Variants in CREB5 observed in about 807,000 individuals in gnomAD.
CREB5 encodes the protein cAMP responsive element binding protein 5.
In CREB5, 19 loss-of-function variants were observed where a neutral mutation model predicts 57.1. The observed-to-expected ratio is 0.33, with a 90% confidence interval of 0.23 to 0.49. CREB5 has a LOEUF of 0.49. CREB5 is among the 20% of genes least tolerant of loss of function. The pLI, the probability that CREB5 is intolerant of heterozygous loss-of-function variation, is 0.99. For synonymous variants in CREB5, 238 were observed against 238.3 expected, an observed-to-expected ratio of 1.00 and a Z score of 0.01; for missense variants, 579 against 671.6, an observed-to-expected ratio of 0.86 and a Z score of 1.52.
chr7:28,402,523 A>C (rs1376106840), intron 1 of CREB5, among the ~76,000 whole-genome samples: 1 of 152,202 alleles, frequency 6.6e-6, no homozygotes, highest in Non-Finnish European at 1.5e-5. Flanking sequence ...AATACCACAC[A>C]TCTACAACCA....
intron 7 of CREB5, among the ~76,000 whole-genome samples, chr7:28,729,202 C>T (rs1332756350): frequency 6.6e-6 from 1 of 152,174 alleles, no homozygotes; most frequent in Non-Finnish European, 1.5e-5. Flanking sequence ...TTCTCCAATT[C>T]CTTCTTTTCA....
At chr7:28,710,187 C>A (rs1457139613) in intron 5 of CREB5, among the ~76,000 whole-genome samples, 2 of 152,132 alleles carry the variant, frequency 1.3e-5, no homozygotes, top group Non-Finnish European at 2.9e-5. Flanking sequence ...TTTTCAAGAA[C>A]AGAAATGAGT....
chr7:28,768,167 A>C (rs1217932119), intron 7 of CREB5, among the ~76,000 whole-genome samples: 1 of 152,138 alleles, frequency 6.6e-6, no homozygotes, highest in Non-Finnish European at 1.5e-5. Context: ...GTTCCAGAGT[A>C]GGGGGTGAAT....
chr7:28,619,258 G>A (rs1483051351), intron 5 of CREB5, among the ~76,000 whole-genome samples: 4 of 152,180 alleles, frequency 2.6e-5, no homozygotes, highest in African/African-American at 9.7e-5. Context: ...CTCAGCCATC[G>A]TGGCTCCAAG....
At chr7:28,313,174 G>C (rs958579486) in intron 1 of CREB5, among the ~76,000 whole-genome samples, 2 of 152,094 alleles carry the variant, frequency 1.3e-5, no homozygotes, top group Non-Finnish European at 2.9e-5. Flanking sequence ...GATACTGCTC[G>C]TCTGGGCACC....
chr7:28,365,663 G>T (rs2127992924), intron 1 of CREB5, among the ~76,000 whole-genome samples: 1 of 152,200 alleles, frequency 6.6e-6, no homozygotes, highest in South Asian at 2.1e-4. Flanking sequence ...CTGGGCATCT[G>T]GCCCCTTCAC....
chr7:28,502,220 A>G (rs1313622902), intron 3 of CREB5, among the ~76,000 whole-genome samples: 4 of 152,154 alleles, frequency 2.6e-5, no homozygotes, highest in Admixed American at 6.5e-5. Context: ...ATTCCATGGA[A>G]TTCTGTGTGT....
intron 1 of CREB5, among the ~76,000 whole-genome samples, chr7:28,454,186 C>T: frequency 6.6e-6 from 1 of 152,146 alleles, no homozygotes; most frequent in East Asian, 1.9e-4. Flanking sequence ...ATCTCCTGAC[C>T]TCGTGGTCTG....
intron 4 of CREB5, among the ~76,000 whole-genome samples, chr7:28,516,643 C>G (rs1185327986): frequency 6.6e-6 from 1 of 152,112 alleles, no homozygotes; most frequent in Non-Finnish European, 1.5e-5. Context: ...TTGGGATGAT[C>G]CTCACTAAAA....
At chr7:28,756,563 A>AG (rs1197427289) in intron 7 of CREB5, among the ~76,000 whole-genome samples, 1 of 151,784 alleles carries the variant, frequency 6.6e-6, no homozygotes, top group Non-Finnish European at 1.5e-5. Context: ...TCTCCAAAAA[A>AG]AAAAAAACAG....
intron 1 of CREB5, among the ~76,000 whole-genome samples, chr7:28,375,788 A>G (rs1482291853): frequency 1.3e-5 from 2 of 151,854 alleles, no homozygotes; most frequent in African/African-American, 4.8e-5. Flanking sequence ...TTCCTAGACC[A>G]GGGATTTTTC....
intron 1 of CREB5, among the ~76,000 whole-genome samples, chr7:28,418,982 G>A (rs1359779001): frequency 2.6e-5 from 4 of 152,138 alleles, no homozygotes; most frequent in Non-Finnish European, 5.9e-5. Flanking sequence ...TGGTTTCCTT[G>A]CTAATACCTC....
intron 5 of CREB5, among the ~76,000 whole-genome samples, chr7:28,699,177 CTT>C (rs768857495): frequency 2.2e-5 from 3 of 139,414 alleles, no homozygotes; most frequent in Non-Finnish European, 1.6e-5. Flanking sequence ...CTTTCTTCTT[CTT>C]TTTTTTTTTT....
intron 1 of CREB5, among the ~76,000 whole-genome samples, chr7:28,350,683 T>G (rs1482906215): frequency 6.6e-6 from 1 of 152,138 alleles, no homozygotes; most frequent in Non-Finnish European, 1.5e-5. Context: ...TGCGTAAGCA[T>G]GGAGGCCAGA....
At chr7:28,306,563 T>G (rs1482655663) in intron 1 of CREB5, among the ~76,000 whole-genome samples, 3 of 91,196 alleles carry the variant, frequency 3.3e-5, no homozygotes, top group African/African-American at 1.3e-4. Context: ...TTGTTTTTTT[T>G]TTTTTTTTTT....
At chr7:28,618,199 A>AAAC (rs1302624913) in intron 5 of CREB5, among the ~76,000 whole-genome samples, 2 of 152,136 alleles carry the variant, frequency 1.3e-5, no homozygotes, top group Non-Finnish European at 2.9e-5. Context: ...AGGTTGTTGG[A>AAAC]AACAACTGTC....
At chr7:28,500,019 G>C (rs1005712506) in intron 3 of CREB5, among the ~76,000 whole-genome samples, 14 of 152,198 alleles carry the variant, frequency 9.2e-5, no homozygotes, top group East Asian at 7.7e-4. Context: ...GGCTGAAGTT[G>C]CCCTTCTACA....
intron 1 of CREB5, among the ~76,000 whole-genome samples, chr7:28,390,984 T>C (rs1417496672): frequency 6.6e-6 from 1 of 152,192 alleles, no homozygotes; most frequent in Non-Finnish European, 1.5e-5. Flanking sequence ...TTCCTCCTGG[T>C]ATATTTATTT....
Position 28,652,885 on chromosome 7 carries a change from C to T in CREB5, c.465-65868C>T, listed in dbSNP as rs895615581. On this transcript the variant is annotated intron_variant, in intron 5 of 10. Transcript: ENST00000357727. ...GATTCAATAAAAGATGATTAGTGAC[C>T]AGTTGCCTTTGCACACATGCCCAAA... Among the ~76,000 whole-genome samples, 4 of 152,150 alleles carry T rather than the reference C, an allele frequency of 2.6e-5. No individual in the cohort carries two copies. The South Asian group carries it at 8.3e-4, about 31-fold the overall frequency.
Sources: gnomAD v4.1 joint callset for allele counts (sites outside exome capture counted in the v4.1 genomes callset) on GRCh38, gnomAD v4.1.1 for gene constraint, MANE v1.5 for transcripts, NCBI Gene and HGNC (gene_info 2026-07-23, HGNC 2026-07-21) for gene names.